The following SEMA3A variants were observed in gnomAD, a reference collection of about 807,000 sequenced individuals.
SEMA3A encodes semaphorin-3A.
Under a neutral mutation model 97.9 loss-of-function variants are expected in SEMA3A, and 29 were observed. The ratio of observed to expected loss-of-function variants is 0.30; its 90% confidence interval spans 0.22 to 0.40. The LOEUF is 0.40. Ranked by LOEUF, SEMA3A falls within the 10% of genes least tolerant of loss-of-function variation. The probability of loss-of-function intolerance (pLI) is 1.00; values close to 1 mark genes in which losing one functional copy is unlikely to be tolerated. For missense variants in SEMA3A, 763 were observed against 951.3 expected, an observed-to-expected ratio of 0.80 and a Z score of 2.60; for synonymous variants, 321 against 323.7, an observed-to-expected ratio of 0.99 and a Z score of 0.09.
At chr7:83,994,997 T>C (rs1010790116) in intron 12 of SEMA3A, among the ~76,000 whole-genome samples, 3 of 152,116 alleles carry the variant, frequency 2.0e-5, no homozygotes, top group South Asian at 2.1e-4. Flanking sequence ...CTCCGAGCCA[T>C]GTGCGGGATA....
intron 4 of SEMA3A, among the ~76,000 whole-genome samples, chr7:84,061,903 A>C (rs1793231269): frequency 6.6e-6 from 1 of 152,168 alleles, no homozygotes; most frequent in Non-Finnish European, 1.5e-5. Context: ...ATACTGTGAA[A>C]TAATTTATGG....
At chr7:84,052,131 T>A (rs967117469) in intron 5 of SEMA3A, among the ~76,000 whole-genome samples, 28 of 152,060 alleles carry the variant, frequency 1.8e-4, no homozygotes, top group African/African-American at 6.5e-4. Flanking sequence ...TATTGAGGAT[T>A]TTTGCATCAA....
chr7:84,381,475 C>A (rs1167660425), intron 1 of SEMA3A, among the ~76,000 whole-genome samples: 1 of 152,186 alleles, frequency 6.6e-6, no homozygotes, highest in African/African-American at 2.4e-5. Context: ...GGACTAATGT[C>A]TTCTGCAAAA....
chr7:84,258,189 G>C (rs545380831), intron 3 of SEMA3A, among the ~76,000 whole-genome samples: 5 of 152,068 alleles, frequency 3.3e-5, no homozygotes, highest in African/African-American at 1.2e-4. Context: ...TTGACTTAGG[G>C]TGTTTCTTTT....
intron 12 of SEMA3A, among the ~76,000 whole-genome samples, chr7:83,985,950 C>T (rs1189508948): frequency 1.3e-5 from 2 of 152,080 alleles, no homozygotes; most frequent in Non-Finnish European, 1.5e-5. Flanking sequence ...CTATGACTGG[C>T]GAAGAAGTAG....
chr7:84,208,441 C>T (rs1798550159), intron 3 of SEMA3A, among the ~76,000 whole-genome samples: 1 of 151,350 alleles, frequency 6.6e-6, no homozygotes, highest in East Asian at 1.9e-4. Flanking sequence ...GACAGAGACT[C>T]CGTCTCAAAA....
intron 4 of SEMA3A, among the ~76,000 whole-genome samples, chr7:84,065,240 T>C (rs1212177517): frequency 2.3e-5 from 3 of 131,850 alleles, no homozygotes; most frequent in Non-Finnish European, 4.8e-5. Context: ...AGACACAACA[T>C]ACCAGAATCT....
intron 1 of SEMA3A, among the ~76,000 whole-genome samples, chr7:84,409,083 A>C (rs1804190312): frequency 2.7e-5 from 4 of 149,070 alleles, no homozygotes; most frequent in African/African-American, 9.8e-5. Flanking sequence ...ATATATTCAA[A>C]TGTAAAAAAA....
chr7:84,327,036 C>T (rs1324497051), intron 2 of SEMA3A, among the ~76,000 whole-genome samples: 1 of 151,940 alleles, frequency 6.6e-6, no homozygotes, highest in Admixed American at 6.6e-5. Context: ...AGACAACCTA[C>T]AAAATACTTG....
chr7:84,372,574 GA>G (rs1191449984), intron 1 of SEMA3A, among the ~76,000 whole-genome samples: 3 of 151,994 alleles, frequency 2.0e-5, no homozygotes, highest in African/African-American at 4.8e-5. Context: ...TTTTAGTGCT[GA>G]AAACTGCATT....
chr7:84,009,646 C>G (rs977244652), intron 9 of SEMA3A, among the ~76,000 whole-genome samples: 1 of 151,900 alleles, frequency 6.6e-6, no homozygotes, highest in Non-Finnish European at 1.5e-5. Context: ...TCAACAACCC[C>G]AGGTAATGTG....
At chr7:84,020,703 T>G (rs1398347576) in intron 6 of SEMA3A, among the ~76,000 whole-genome samples, 1 of 152,172 alleles carries the variant, frequency 6.6e-6, no homozygotes, top group Non-Finnish European at 1.5e-5. Flanking sequence ...TTCACTGCTC[T>G]AAATTTAATA....
chr7:84,270,882 T>G (rs902827075), intron 3 of SEMA3A, among the ~76,000 whole-genome samples: 1 of 151,776 alleles, frequency 6.6e-6, no homozygotes, highest in African/African-American at 2.4e-5. Flanking sequence ...AGTAGGGCAA[T>G]TTCTATAAAA....
chr7:84,249,741 G>C lies in SEMA3A; in HGVS notation c.-82-55073C>G, dbSNP rs147555942. ...TTCCAACTCTTAAAACACTAAATAT[G>C]TCATCTTGGGCAAGTTACATCATCT... On this transcript the variant is annotated intron_variant, in intron 3 of 3. Coordinates refer to the SEMA3A transcript ENST00000424555. 4.8e-3 allele frequency among the ~76,000 whole-genome samples: 717 copies of C among 150,406 alleles called. 22 individuals are homozygous for C. The highest frequency in any genetic ancestry group is 0.035 in the Admixed American group (531 of 15,064).
intron 2 of SEMA3A, among the ~76,000 whole-genome samples, chr7:84,130,627 A>G (rs145844157): frequency 6.6e-6 from 1 of 152,108 alleles, no homozygotes; most frequent in Non-Finnish European, 1.5e-5. Context: ...GATAATTAAC[A>G]TTACTCTGAC....
chr7:84,238,176 C>T (rs1226100731), intron 3 of SEMA3A, among the ~76,000 whole-genome samples: 1 of 152,056 alleles, frequency 6.6e-6, no homozygotes, highest in Non-Finnish European at 1.5e-5. Context: ...AAGGGATCCT[C>T]CTGCCTGAGC....
chr7:84,476,544 C>T (rs1040847632), intron 1 of SEMA3A, among the ~76,000 whole-genome samples: 1 of 151,770 alleles, frequency 6.6e-6, no homozygotes, highest in Non-Finnish European at 1.5e-5. Context: ...AGCATGAATG[C>T]CTACAACATT....
chr7:83,985,012 G>T (rs1789569232), intron 13 of SEMA3A, among the ~76,000 whole-genome samples: 1 of 151,908 alleles, frequency 6.6e-6, no homozygotes, highest in African/African-American at 2.4e-5. Flanking sequence ...CTCTAAAAAT[G>T]CATTTTTGTT....
intron 6 of SEMA3A, among the ~76,000 whole-genome samples, chr7:84,021,386 G>A (rs542001170): frequency 5.3e-5 from 8 of 151,646 alleles, no homozygotes; most frequent in East Asian, 3.9e-4. Context: ...TCCCTCTCTC[G>A]CCTTCAGCTT....
Sources: allele counts gnomAD v4.1 joint callset (sites outside exome capture counted in the v4.1 genomes callset), GRCh38; gene constraint gnomAD v4.1.1; transcripts MANE v1.5; gene names NCBI Gene and HGNC (gene_info 2026-07-23, HGNC 2026-07-21).